The following PCDHGA8 variants were observed in gnomAD, a reference collection of about 807,000 sequenced individuals.
PCDHGA8 encodes protocadherin gamma subfamily A, 8, also known as protocadherin gamma-A8.
A neutral mutation model predicts 59.2 loss-of-function variants in PCDHGA8; 45 were observed. That is an observed-to-expected ratio of 0.76 (90% CI 0.60 to 0.98). The LOEUF (loss-of-function observed/expected upper bound fraction) is 0.98, where lower values mean the gene tolerates loss of function less well. Ranked by LOEUF, PCDHGA8 falls within the 50% of genes least tolerant of loss-of-function variation. The probability of loss-of-function intolerance (pLI) is 0.00; values close to 1 mark genes in which losing one functional copy is unlikely to be tolerated. For synonymous variants in PCDHGA8, 531 were observed against 519.0 expected (o/e 1.02, Z -0.32); for missense variants, 1,257 against 1,196.2 (o/e 1.05, Z -0.75).
chr5:141,420,975 G>A, intron 1 of PCDHGA8: 2 of 458,946 alleles, frequency 4.4e-6, no homozygotes, highest in South Asian at 4.2e-5. Context: ...TAATAAGAAT[G>A]GGCTCTAGGC....
chr5:141,454,956 G>A (rs62379171), intron 1 of PCDHGA8, among the ~76,000 whole-genome samples: 5,077 of 149,940 alleles, frequency 0.034, 97 homozygotes, highest in Middle Eastern at 0.091. Context: ...TACAGGCGCC[G>A]GCCACCACGC....
intron 1 of PCDHGA8, among the ~76,000 whole-genome samples, chr5:141,457,822 C>A (rs1477393535): frequency 6.6e-6 from 1 of 152,178 alleles, no homozygotes; most frequent in Non-Finnish European, 1.5e-5. Context: ...AAGATAAACT[C>A]AGAGCTTCCA....
chr5:141,486,987 G>C lies in PCDHGA8; in HGVS notation c.2425-7820G>C, dbSNP rs1327158531. ...GACTTGGATTCAGGTTACAATGCTTGGGTTTCCTATCAGCTCCTGGAGGCC... is the reference window on the plus strand; with the variant it reads ...GACTTGGATTCAGGTTACAATGCTTCGGTTTCCTATCAGCTCCTGGAGGCC... On this transcript the variant is annotated intron_variant, in intron 1 of 3. Transcript: ENST00000398604. The surrounding 1 kb of genome is among the most constrained non-coding windows in gnomAD (Gnocchi z 5.0). The C allele has an allele frequency of 6.2e-7, 1 of 1,614,144 alleles. No homozygotes were observed. Among genetic ancestry groups the C allele is most frequent in the Admixed American group, 1.7e-5 (1 of 60,020 alleles).
rs960870975 is a variant in PCDHGA8 at position 141,417,761 on chromosome 5, C to T, written c.2424+22524C>T. On this transcript the variant is annotated intron_variant, in intron 1 of 3. Coordinates refer to ENST00000398604, the MANE Select transcript of PCDHGA8 (RefSeq NM_032088.2). ...ACACCAGATTGCCAGCTCCGAGACC[C>T]GGGACTCCTCCTGTCCTGGGCCGAA... is the stretch of plus-strand genomic sequence containing the variant. 1.8e-5 allele frequency: 26 copies of T among 1,438,736 alleles called. No homozygotes were observed. The East Asian group carries it at 5.0e-4, about 28-fold the overall frequency. The allele number at this position is 1,438,736 out of a possible 1,614,324, so 89.1% of individuals were successfully genotyped here.
intron 1 of PCDHGA8, chr5:141,413,180 C>T: frequency 6.2e-7 from 1 of 1,602,612 alleles, no homozygotes; most frequent in Non-Finnish European, 8.5e-7. Flanking sequence ...ACTACAATGG[C>T]CGCTCAAAGG....
intron 1 of PCDHGA8, chr5:141,414,828 G>A (rs780047810): frequency 1.4e-5 from 22 of 1,614,092 alleles, no homozygotes; most frequent in Non-Finnish European, 1.8e-5. Flanking sequence ...GCAACGTGTC[G>A]TTGAGCCTGT....
chr5:141,399,009 C>A (rs759328384), intron 1 of PCDHGA8: 1 of 1,613,812 alleles, frequency 6.2e-7, no homozygotes, highest in African/African-American at 1.3e-5. Context: ...ATTCAAAGAG[C>A]GGAGAAATTA....
chr5:141,491,616 C>T lies in PCDHGA8; in HGVS notation c.2425-3191C>T. 1 of 1,613,944 alleles carries T rather than the reference C, an allele frequency of 6.2e-7. No homozygotes were observed. Among genetic ancestry groups the T allele is most frequent in the South Asian group, 1.1e-5 (1 of 91,082 alleles). On this transcript the variant is annotated intron_variant, in intron 1 of 3. Coordinates refer to ENST00000398604, the MANE Select transcript of PCDHGA8 (RefSeq NM_032088.2). The surrounding 1 kb of genome is among the most constrained non-coding windows in gnomAD (Gnocchi z 6.9). ...GCAGTGACTTCACTTTTCTAAGACC[C>T]CTCAGCGTTCAGCAGCCCACAGCTC...
intron 1 of PCDHGA8, among the ~76,000 whole-genome samples, chr5:141,455,899 ATTT>A (rs1561962776): frequency 1.3e-5 from 2 of 148,258 alleles, no homozygotes; most frequent in Non-Finnish European, 3.0e-5. Flanking sequence ...TTATTTATTT[ATTT>A]ATTTATTTAT....
intron 1 of PCDHGA8, chr5:141,410,207 C>T: frequency 6.2e-7 from 1 of 1,614,024 alleles, no homozygotes; most frequent in African/African-American, 1.3e-5. Context: ...AGACAACTTG[C>T]AAGAGATACT....
At chr5:141,405,130 G>A in intron 1 of PCDHGA8, 1 of 1,614,012 alleles carries the variant, frequency 6.2e-7, no homozygotes, top group South Asian at 1.1e-5. Flanking sequence ...ATCTGCTGCG[G>A]GCTACCAGTG....
chr5:141,486,725 C>A lies in PCDHGA8; in HGVS notation c.2425-8082C>A. 1 of 1,614,182 alleles carries A rather than the reference C, an allele frequency of 6.2e-7. No individual in the cohort carries two copies. The highest frequency in any genetic ancestry group is 1.1e-5 in the South Asian group (1 of 91,076). On this transcript the variant is annotated intron_variant, in intron 1 of 3. Transcript: ENST00000398604. The surrounding 1 kb of genome is among the most constrained non-coding windows in gnomAD (Gnocchi z 5.0). ...TCTGAACCCCCAGACAGGAGCTGTT[C>A]ATGCTACTCGATCCTTTGACTATGA...
chr5:141,419,945 T>TTGGCCTTGATTTCTG (rs1205104698), intron 1 of PCDHGA8: 6 of 1,613,970 alleles, frequency 3.7e-6, no homozygotes, highest in Non-Finnish European at 4.2e-6. Flanking sequence ...GGTGGTGGCC[T>TTGGCCTTGATTTCTG]TGGCCTTGAT....
At chr5:141,403,746 C>T (rs773668506) in intron 1 of PCDHGA8, 1 of 1,613,904 alleles carries the variant, frequency 6.2e-7, no homozygotes, top group South Asian at 1.1e-5. Context: ...CTTACTGCAA[C>T]AGCCAGCGAC....
intron 2 of PCDHGA8, among the ~76,000 whole-genome samples, chr5:141,503,398 C>A (rs1374324008): frequency 6.6e-6 from 1 of 151,784 alleles, no homozygotes; most frequent in African/African-American, 2.4e-5. Flanking sequence ...AGTTCGAAAC[C>A]AACCTGGCCA....
intron 1 of PCDHGA8, chr5:141,430,707 CT>C: frequency 6.8e-7 from 1 of 1,478,562 alleles, no homozygotes; most frequent in Non-Finnish European, 9.0e-7. Context: ...GGAACTGCTC[CT>C]GACTTCAGTG....
intron 2 of PCDHGA8, among the ~76,000 whole-genome samples, chr5:141,496,230 C>T (rs1336418553): frequency 2.6e-5 from 4 of 152,160 alleles, no homozygotes; most frequent in Admixed American, 2.0e-4. Flanking sequence ...AGACAGGAAC[C>T]CCCTGCGGGC....
In PCDHGA8 at chr5:141,432,059, A is replaced by G. The variant is rs752124614; in HGVS notation, c.2424+36822A>G. The stretch of plus-strand genomic sequence containing the variant: ...TGACCGGGGAACCCCGCCCCTATCC[A>G]CGGAAACTCATATCTCGCTGAACGT... On this transcript the variant is annotated intron_variant, in intron 1 of 3. Coordinates refer to ENST00000398604, the MANE Select transcript of PCDHGA8 (RefSeq NM_032088.2). The surrounding 1 kb of genome is among the most constrained non-coding windows in gnomAD (Gnocchi z 6.0). 17 of 1,614,052 alleles carry G rather than the reference A, an allele frequency of 1.1e-5. No individual in the cohort carries two copies. The highest frequency in any genetic ancestry group is 1.3e-5 in the African/African-American group (1 of 74,918).
chr5:141,478,155 G>A (rs138384601), intron 1 of PCDHGA8: 1 of 1,613,992 alleles, frequency 6.2e-7, no homozygotes, highest in Non-Finnish European at 8.5e-7. Context: ...TTCCCCTCTG[G>A]CTCTGCCCCC....
Sources: gnomAD v4.1 joint callset for allele counts (sites outside exome capture counted in the v4.1 genomes callset) on GRCh38, gnomAD v4.1.1 for gene constraint, Gnocchi (gnomAD v3.1) non-coding constraint, MANE v1.5 for transcripts, NCBI Gene and HGNC (gene_info 2026-07-23, HGNC 2026-07-21) for gene names.